CLIC5: variants seen among roughly 807,000 people sequenced by gnomAD.
The protein encoded by CLIC5 is chloride intracellular channel protein 5.
CLIC5 carries 20 observed loss-of-function variants against 24.7 expected under a neutral mutation model. The ratio of observed to expected loss-of-function variants is 0.81; its 90% confidence interval spans 0.57 to 1.18. The LOEUF (loss-of-function observed/expected upper bound fraction) is 1.18. Among genes scored for constraint, CLIC5 ranks in the 50% most tolerant of loss-of-function variants. CLIC5 has a pLI of 0.00. For synonymous variants in CLIC5, 159 were observed against 135.6 expected (o/e 1.17, Z -1.20); for missense variants, 341 against 326.1 (o/e 1.05, Z -0.35).
At chr6:45,985,453 T>C (rs1259507612) in intron 1 of CLIC5, among the ~76,000 whole-genome samples, 2 of 152,114 alleles carry the variant, frequency 1.3e-5, no homozygotes, top group Non-Finnish European at 2.9e-5. Context: ...AGCAGGCTCA[T>C]CCCCAAAACA....
At chr6:45,950,799 C>T (rs1240772666) in intron 2 of CLIC5, among the ~76,000 whole-genome samples, 1 of 152,100 alleles carries the variant, frequency 6.6e-6, no homozygotes, top group Non-Finnish European at 1.5e-5. Flanking sequence ...TTAATTCAAG[C>T]ATCTACTGTT....
intron 4 of CLIC5, chr6:45,919,148 G>C (rs1763149978): frequency 1.0e-6 from 1 of 967,368 alleles, no homozygotes; most frequent in African/African-American, 1.8e-5. Flanking sequence ...CATCTAAATA[G>C]TCCCCCTAGA....
At chr6:46,105,684 G>A in the CLIC5 span, among the ~76,000 whole-genome samples, 1 of 152,162 alleles carries the variant, frequency 6.6e-6, no homozygotes. Flanking sequence ...AGGAGTCACA[G>A]GCAGGTTCTC....
intron 5 of CLIC5, among the ~76,000 whole-genome samples, chr6:45,910,698 TG>T (rs1310463249): frequency 1.4e-4 from 22 of 152,220 alleles, no homozygotes; most frequent in Middle Eastern, 3.2e-3. Context: ...ATTAATTTAC[TG>T]TTGCTTGTCT....
intron 1 of CLIC5, among the ~76,000 whole-genome samples, chr6:46,061,706 G>T (rs1396595270): frequency 6.6e-6 from 1 of 152,214 alleles, no homozygotes; most frequent in Non-Finnish European, 1.5e-5. Context: ...ATGGAGATTT[G>T]TAAGGGCTGT....
At chr6:46,102,199 G>C in the CLIC5 span, among the ~76,000 whole-genome samples, 2 of 152,160 alleles carry the variant, frequency 1.3e-5, no homozygotes, top group African/African-American at 4.8e-5. Context: ...ACAGAAAATT[G>C]TCCGATTTTT....
chr6:46,085,403 T>A, the CLIC5 span, among the ~76,000 whole-genome samples: 1 of 152,186 alleles, frequency 6.6e-6, no homozygotes, highest in Admixed American at 6.5e-5. Flanking sequence ...ATCTTTGTGG[T>A]TTTATCTACT....
chr6:46,036,740 T>A (rs563758808), intron 1 of CLIC5, among the ~76,000 whole-genome samples: 9 of 152,340 alleles, frequency 5.9e-5, no homozygotes, highest in South Asian at 2.1e-4. Context: ...TTCAGTGGCA[T>A]TTTATAGTAT....
At chr6:46,027,731 G>A (rs1767373198) in intron 1 of CLIC5, among the ~76,000 whole-genome samples, 1 of 152,170 alleles carries the variant, frequency 6.6e-6, no homozygotes, top group Non-Finnish European at 1.5e-5. Context: ...ATTATTCTAA[G>A]ACACCTTTGC....
rs2095773 is a variant in CLIC5, at chr6:45,908,080, G to A, written c.589-4825C>T. 9.9e-3 allele frequency among the ~76,000 whole-genome samples: 1,499 copies of A among 152,090 alleles called. 11 individuals are homozygous for A. The highest frequency in any genetic ancestry group is 0.013 in the Non-Finnish European group (907 of 67,936). On this transcript the variant is annotated intron_variant, in intron 5 of 5. Coordinates refer to ENST00000339561, the MANE Select transcript of CLIC5 (RefSeq NM_016929.5). ...TAGGGATGTTCATAATAGTCTTTAA[G>A]GATCTTCTGTATTTCTGTGAGCTCA...
chr6:46,005,920 T>A lies in CLIC5; in HGVS notation c.63+9560A>T, dbSNP rs1009964403. 9.4e-5 allele frequency among the ~76,000 whole-genome samples: 14 copies of A among 149,688 alleles called. 1 individual carries two copies. Among genetic ancestry groups the A allele is most frequent in the African/African-American group, 2.2e-4 (9 of 40,704 alleles). ...AAATAAATTTCTGTTGTTTATAAGC[T>A]ACCTAGTTCATGGCATTTTGTCATA... is the stretch of plus-strand genomic sequence containing the variant. On this transcript the variant is annotated intron_variant, in intron 1 of 5. Coordinates refer to ENST00000339561, the MANE Select transcript of CLIC5 (RefSeq NM_016929.5).
intron 4 of CLIC5, among the ~76,000 whole-genome samples, chr6:45,916,059 G>A (rs542495405): frequency 3.3e-5 from 5 of 152,316 alleles, no homozygotes; most frequent in Middle Eastern, 3.4e-3. Context: ...TGCCTTGTTA[G>A]CCACTCCTCT....
chr6:46,000,605 T>G (rs1264049857), intron 1 of CLIC5, among the ~76,000 whole-genome samples: 1 of 152,144 alleles, frequency 6.6e-6, no homozygotes, highest in Non-Finnish European at 1.5e-5. Flanking sequence ...GACTCACGGT[T>G]CCGCAGGGCT....
At chr6:46,080,170 G>A in exon 1 of CLIC5, 3 of 1,551,598 alleles carry the variant, frequency 1.9e-6, no homozygotes, top group Non-Finnish European at 2.6e-6. Flanking sequence ...TTTTCTTCTG[G>A]CTGGTCTGGA....
chr6:45,943,970 T>A (rs529577646), intron 3 of CLIC5, among the ~76,000 whole-genome samples: 18 of 152,346 alleles, frequency 1.2e-4, no homozygotes, highest in Non-Finnish European at 2.5e-4. Context: ...TCATTTTACC[T>A]CCATATTTAT....
chr6:45,975,905 T>C (rs1045918650), intron 1 of CLIC5, among the ~76,000 whole-genome samples: 1 of 152,196 alleles, frequency 6.6e-6, no homozygotes, highest in Non-Finnish European at 1.5e-5. Flanking sequence ...CTCTATGTTA[T>C]ATAGGTAAAG....
At chr6:46,067,231 C>A (rs1402267713) in intron 1 of CLIC5, among the ~76,000 whole-genome samples, 1 of 151,962 alleles carries the variant, frequency 6.6e-6, no homozygotes, top group African/African-American at 2.4e-5. Context: ...AAGCTCAGTG[C>A]CCCCACAGGA....
chr6:46,039,644 G>A (rs1767753364), intron 1 of CLIC5, among the ~76,000 whole-genome samples: 1 of 151,832 alleles, frequency 6.6e-6, no homozygotes, highest in South Asian at 2.1e-4. Flanking sequence ...CAGATATGTT[G>A]GAATAAAAAA....
chr6:45,926,300 T>C (rs1763489595), intron 4 of CLIC5, among the ~76,000 whole-genome samples: 2 of 151,202 alleles, frequency 1.3e-5, no homozygotes, highest in South Asian at 2.1e-4. Context: ...CAGGCTGGAG[T>C]GCAGTGGTGT....
Sources: allele counts gnomAD v4.1 joint callset (sites outside exome capture counted in the v4.1 genomes callset), GRCh38; gene constraint gnomAD v4.1.1; transcripts MANE v1.5; gene names NCBI Gene and HGNC (gene_info 2026-07-23, HGNC 2026-07-21).